PRKAA1: variants seen among roughly 807,000 people sequenced by gnomAD.
PRKAA1 encodes the protein 5'-AMP-activated protein kinase catalytic subunit alpha-1.
Under a neutral mutation model 56.9 loss-of-function variants are expected in PRKAA1, and 23 were observed. The observed-to-expected ratio is 0.40, with a 90% CI of 0.29 to 0.57. PRKAA1 has a LOEUF of 0.57. Among genes scored for constraint, PRKAA1 ranks in the 20% least tolerant of loss-of-function variants. The pLI is 0.39. For missense variants in PRKAA1, 413 were observed against 679.7 expected, an observed-to-expected ratio of 0.61 and a Z score of 4.36; for synonymous variants, 226 against 227.0, an observed-to-expected ratio of 1.00 and a Z score of 0.04.
chr5:40,768,689 T>G, intron 5 of PRKAA1: 1 of 1,271,416 alleles, frequency 7.9e-7, no homozygotes, highest in Non-Finnish European at 9.9e-7. Context: ...TTAATCAAGA[T>G]GCAAAACATT....
chr5:40,792,110 C>T (rs1033068133), intron 1 of PRKAA1, among the ~76,000 whole-genome samples: 1 of 152,206 alleles, frequency 6.6e-6, no homozygotes, highest in Non-Finnish European at 1.5e-5. Flanking sequence ...CTAACGTAAC[C>T]AGTCTTGTGT....
chr5:40,764,770 T>C lies in PRKAA1; in HGVS notation c.1290A>G (p.Gln430=), dbSNP rs746292258. 8.7e-6 allele frequency: 14 copies of C among 1,611,176 alleles called. No individual in the cohort carries two copies. The East Asian group carries it at 2.9e-4, about 33-fold the overall frequency. The part of the protein sequence containing the change: ...IMAEVCRAIK[Q]LDYEWKVVNP... Reference sequence around the variant, plus strand: ...TTCTTACCTTCCATTCATAATCCAATTGTTTGATTGCTCTACATACTTCTG... The same window carrying C: ...TTCTTACCTTCCATTCATAATCCAACTGTTTGATTGCTCTACATACTTCTG... Residue 430 remains glutamine (Q), a synonymous_variant, in exon 7 of 9, where the codon CAA becomes CAG. Coordinates refer to ENST00000397128, the MANE Select transcript of PRKAA1 (RefSeq NM_006251.6).
intron 1 of PRKAA1, among the ~76,000 whole-genome samples, chr5:40,795,545 C>G (rs1264389413): frequency 6.6e-6 from 1 of 152,132 alleles, no homozygotes; most frequent in African/African-American, 2.4e-5. Context: ...AGCCAACTGG[C>G]ACATGGCATT....
intron 1 of PRKAA1, among the ~76,000 whole-genome samples, chr5:40,785,833 CACACACAGAGAGAG>C (rs1215952815): frequency 1.4e-4 from 8 of 57,836 alleles, no homozygotes; most frequent in African/African-American, 2.8e-4. Flanking sequence ...CACACACACA[CACACACAGAGAGAG>C]AGAGAGAGAG....
intron 3 of PRKAA1, chr5:40,774,817 A>G (rs1265318257): frequency 1.1e-5 from 9 of 848,784 alleles, no homozygotes; most frequent in African/African-American, 1.7e-5. Context: ...GGTATGAGAA[A>G]AAGTATGGGC....
At chr5:40,765,280 G>C (rs1743376335) in intron 6 of PRKAA1, 42 bp from the exon 7 acceptor site, 1 of 1,541,588 alleles carries the variant, frequency 6.5e-7, no homozygotes, top group Non-Finnish European at 8.7e-7. Context: ...ACTTTGAATA[G>C]AGCTGAGACT....
intron 7 of PRKAA1, 22 bp downstream of exon 7, chr5:40,764,730 C>G: frequency 6.2e-7 from 1 of 1,603,800 alleles, no homozygotes; most frequent in Non-Finnish European, 8.5e-7. Context: ...TGCTAATAAT[C>G]AAAATGTTAT....
intron 1 of PRKAA1, among the ~76,000 whole-genome samples, chr5:40,790,572 G>A (rs12188981): frequency 0.11 from 16,497 of 146,572 alleles, 1,258 homozygotes; most frequent in Non-Finnish European, 0.17. Flanking sequence ...ATGGAGCCTC[G>A]CTCTGTCGCC....
chr5:40,771,747 T>C lies in PRKAA1; in HGVS notation c.480A>G (p.Ala160=). 1 of 1,610,940 alleles carries C rather than the reference T, an allele frequency of 6.2e-7. No homozygotes were observed. Among genetic ancestry groups the C allele is most frequent in the Non-Finnish European group, 8.5e-7 (1 of 1,179,308 alleles). The change falls in exon 4 of 9, where the codon GCA becomes GCG. Residue 160 remains alanine, a synonymous_variant. Coordinates refer to ENST00000397128, the MANE Select transcript of PRKAA1 (RefSeq NM_006251.6). ...DLKPENVLLD[A]HMNAKIADFG... ...AATCAGCTATCTTTGCATTCATGTG[T>C]GCATCAAGCAGGACATTTTCAGGTT...
intron 1 of PRKAA1, among the ~76,000 whole-genome samples, chr5:40,795,172 T>C (rs530464604): frequency 6.6e-6 from 1 of 152,174 alleles, no homozygotes; most frequent in Admixed American, 6.5e-5. Context: ...ATCACTGATA[T>C]GTGGGAGCTA....
At chr5:40,765,764 A>G (rs1743402835) in intron 6 of PRKAA1, among the ~76,000 whole-genome samples, 1 of 151,842 alleles carries the variant, frequency 6.6e-6, no homozygotes, top group Non-Finnish European at 1.5e-5. Flanking sequence ...AAAAAAAATC[A>G]AGGAACATGC....
At chr5:40,784,567 A>G (rs992846594) in intron 1 of PRKAA1, among the ~76,000 whole-genome samples, 16 of 152,190 alleles carry the variant, frequency 1.1e-4, no homozygotes, top group African/African-American at 3.1e-4. Context: ...GGAAAAAAGC[A>G]GCTTAATTTG....
intron 1 of PRKAA1, among the ~76,000 whole-genome samples, chr5:40,797,325 T>C (rs1174461933): frequency 2.0e-5 from 3 of 152,210 alleles, no homozygotes; most frequent in Non-Finnish European, 4.4e-5. Flanking sequence ...TAATAAATAC[T>C]ATCTGGAGGC....
At chr5:40,780,381 A>C (rs910522034) in intron 1 of PRKAA1, among the ~76,000 whole-genome samples, 4 of 152,194 alleles carry the variant, frequency 2.6e-5, no homozygotes, top group African/African-American at 9.7e-5. Context: ...TGGCTTTCTC[A>C]ATACCAAATC....
intron 5 of PRKAA1, chr5:40,768,775 T>C: frequency 2.3e-6 from 3 of 1,325,006 alleles, no homozygotes; most frequent in Non-Finnish European, 2.9e-6. Flanking sequence ...GCTTCTGTTT[T>C]CAATTTCAGT....
At chr5:40,791,777 G>A (rs543373344) in intron 1 of PRKAA1, among the ~76,000 whole-genome samples, 3 of 152,128 alleles carry the variant, frequency 2.0e-5, no homozygotes, top group Non-Finnish European at 4.4e-5. Flanking sequence ...ATACCCATGA[G>A]CCACCATCAG....
intron 5 of PRKAA1, chr5:40,768,678 G>A: frequency 1.6e-6 from 2 of 1,255,634 alleles, no homozygotes; most frequent in Non-Finnish European, 2.0e-6. Context: ...TCTGCATTGA[G>A]TTAATCAAGA....
chr5:40,790,538 TTTG>T (rs57857426), intron 1 of PRKAA1, among the ~76,000 whole-genome samples: 17 of 145,446 alleles, frequency 1.2e-4, no homozygotes, highest in Non-Finnish European at 1.8e-4. Context: ...TTTTTTTTTT[TTTG>T]TTGTTGTTGT....
chr5:40,768,416 A>T, intron 5 of PRKAA1: 1 of 919,604 alleles, frequency 1.1e-6, no homozygotes, highest in Non-Finnish European at 1.3e-6. Context: ...TATTTATTTA[A>T]ATAACAACTT....
Sources: allele counts gnomAD v4.1 joint callset (sites outside exome capture counted in the v4.1 genomes callset), GRCh38; gene constraint gnomAD v4.1.1; transcripts MANE v1.5; gene names NCBI Gene and HGNC (gene_info 2026-07-23, HGNC 2026-07-21).